LDHAL6A: variants seen among roughly 807,000 people sequenced by gnomAD.
LDHAL6A encodes the protein lactate dehydrogenase A like 6A.
A neutral mutation model predicts 28.2 loss-of-function variants in LDHAL6A; 19 were observed. The ratio of observed to expected loss-of-function variants is 0.67; its 90% CI spans 0.47 to 0.99. The LOEUF is 0.99. Ranked by LOEUF, LDHAL6A falls within the 50% of genes least tolerant of loss-of-function variation. The pLI is 0.00. For missense variants in LDHAL6A, 372 were observed against 398.6 expected (o/e 0.93, Z 0.57); for synonymous variants, 144 against 134.4 (o/e 1.07, Z -0.49).
chr11:18,457,156 T>C (rs939115105), intron 1 of LDHAL6A, among the ~76,000 whole-genome samples: 1 of 152,206 alleles, frequency 6.6e-6, no homozygotes, highest in African/African-American at 2.4e-5. Flanking sequence ...TCAGTGATGG[T>C]AGGCAGCCTA....
rs1452294434 is a variant in LDHAL6A, at chr11:18,479,467, ATTC to A, written c.*602_*604del. ...GATTCTTTTCATCAGGTGCATAGTA[ATTC>A]TTCTCTATGGCTTAATACCTATGTT... is the stretch of plus-strand genomic sequence containing the variant. On this transcript the variant is annotated 3_prime_UTR_variant, in exon 7 of 7. Transcript: ENST00000280706. 1.3e-5 allele frequency: 2 copies of A among 152,078 alleles called. No homozygotes were observed. The highest frequency in any genetic ancestry group is 2.4e-5 in the African/African-American group (1 of 41,380). The allele number at this position is 152,078 out of a possible 1,614,324, so 9.4% of individuals were successfully genotyped here. A position where few individuals can be genotyped will look rare whatever the true frequency, so the allele number is the denominator to read the frequency against.
intron 4 of LDHAL6A, 50 bp downstream of exon 4, chr11:18,475,689 C>T: frequency 6.8e-7 from 1 of 1,478,522 alleles, no homozygotes. Context: ...TCCTATCAAT[C>T]ATACAGACAT....
chr11:18,478,559 CAAAAAAA>C (rs891155836), intron 6 of LDHAL6A, 140 bp from the exon 7 acceptor site: 7 of 522,162 alleles, frequency 1.3e-5, no homozygotes, highest in African/African-American at 4.1e-5. Context: ...GAGTCCGTCT[CAAAAAAA>C]AAAGAAAAAA....
chr11:18,479,238 C>T lies in LDHAL6A; in HGVS notation c.*368C>T, dbSNP rs1436801107. On this transcript the variant is annotated 3_prime_UTR_variant, in exon 7 of 7. Transcript: ENST00000280706. ...GTCATCCAAGCTGGTTTTGAACTCC[C>T]AAAGTGCTGAGATTACAGGGGTGAG... The T allele has an allele frequency of 6.3e-6, 1 of 157,784 alleles. No homozygotes were observed. The highest frequency in any genetic ancestry group is 1.4e-5 in the Non-Finnish European group (1 of 72,316). 9.8% of individuals were successfully genotyped at this position (157,784 alleles called of 1,614,324 possible).
intron 3 of LDHAL6A, among the ~76,000 whole-genome samples, chr11:18,473,967 A>G (rs912593899): frequency 1.3e-5 from 2 of 152,202 alleles, no homozygotes; most frequent in Non-Finnish European, 2.9e-5. Context: ...TAAAATGATC[A>G]TATCTATCTT....
chr11:18,478,347 T>G (rs893599407), intron 6 of LDHAL6A, among the ~76,000 whole-genome samples: 4 of 152,124 alleles, frequency 2.6e-5, no homozygotes, highest in Non-Finnish European at 5.9e-5. Context: ...GGGGCCTATA[T>G]GGAGAGATGG....
chr11:18,462,613 G>A (rs2133866157), intron 1 of LDHAL6A, among the ~76,000 whole-genome samples: 1 of 145,252 alleles, frequency 6.9e-6, no homozygotes, highest in East Asian at 2.0e-4. Flanking sequence ...CTCCAGCCTG[G>A]GCAACAGAGC....
intron 3 of LDHAL6A, among the ~76,000 whole-genome samples, chr11:18,466,651 C>CAAA (rs67371371): frequency 0.08 from 6,321 of 79,102 alleles, 199 homozygotes; most frequent in Middle Eastern, 0.16. Flanking sequence ...GACCCTGTCT[C>CAAA]AAAAAAAAAA....
At chr11:18,467,938 C>T (rs372515210) in intron 3 of LDHAL6A, among the ~76,000 whole-genome samples, 540 of 32,934 alleles carry the variant, frequency 0.016, 41 homozygotes, top group African/African-American at 0.047. Context: ...TATATATATA[C>T]ACACACATAT....
chr11:18,476,698 C>T (rs1849391629), intron 5 of LDHAL6A, 197 bp downstream of exon 5: 1 of 811,128 alleles, frequency 1.2e-6, no homozygotes, highest in African/African-American at 1.9e-5. Flanking sequence ...TTGCTTATTC[C>T]TGAGCCTAAC....
intron 1 of LDHAL6A, among the ~76,000 whole-genome samples, chr11:18,458,375 C>T (rs977914170): frequency 6.6e-6 from 1 of 152,184 alleles, no homozygotes; most frequent in African/African-American, 2.4e-5. Flanking sequence ...GCTTAAAATG[C>T]CACCTGTAGC....
At chr11:18,470,945 C>T (rs1213600335) in intron 3 of LDHAL6A, among the ~76,000 whole-genome samples, 1 of 152,184 alleles carries the variant, frequency 6.6e-6, no homozygotes, top group African/African-American at 2.4e-5. Context: ...CTTCAGCCTC[C>T]CAAAGTGCTG....
In LDHAL6A at chr11:18,463,676, G is replaced by A. The variant is rs540745369; in HGVS notation, c.127-285G>A. On this transcript the variant is annotated intron_variant, in intron 1 of 6. Coordinates refer to ENST00000280706, the MANE Select transcript of LDHAL6A (RefSeq NM_144972.5). Reference sequence around the variant, plus strand: ...ACTTTATCACTGTGCAGCCTCAGCTGAAATTGAAAATCGGGGTGTTCACTA... The same window carrying A: ...ACTTTATCACTGTGCAGCCTCAGCTAAAATTGAAAATCGGGGTGTTCACTA... Among the ~76,000 whole-genome samples the A allele has an allele frequency of 3.7e-4, 56 of 152,194 alleles. 1 individual carries two copies. Among genetic ancestry groups the A allele is most frequent in the Non-Finnish European group, 6.0e-4 (41 of 68,036 alleles).
In LDHAL6A at chr11:18,467,966, T is replaced by TACACAC. The variant is rs1463119811; in HGVS notation, c.418+2158_418+2159insACACAC. ...ACACATATATATATACGTATATATA[T>TACACAC]ACGTATATATATACGTATATATATG... On this transcript the variant is annotated intron_variant, in intron 3 of 6. Coordinates refer to ENST00000280706, the MANE Select transcript of LDHAL6A (RefSeq NM_144972.5). Among the ~76,000 whole-genome samples the TACACAC allele has an allele frequency of 2.0e-4, 3 of 15,278 alleles. 1 individual carries two copies. The highest frequency in any genetic ancestry group is 5.1e-4 in the Non-Finnish European group (3 of 5,862). The allele number at this position is 15,278 out of a possible 152,430, so 10.0% of individuals were successfully genotyped here. A position where few individuals can be genotyped will look rare whatever the true frequency, so the allele number is the denominator to read the frequency against.
At chr11:18,465,567 G>T in intron 2 of LDHAL6A, 70 bp from the exon 3 acceptor site, 3 of 1,319,908 alleles carry the variant, frequency 2.3e-6, no homozygotes, top group South Asian at 2.7e-5. Flanking sequence ...TGATTGAAGT[G>T]AACAGGAAGT....
intron 6 of LDHAL6A, among the ~76,000 whole-genome samples, chr11:18,478,257 A>G (rs1242062927): frequency 6.6e-6 from 1 of 152,180 alleles, no homozygotes; most frequent in African/African-American, 2.4e-5. Flanking sequence ...GGAATTTTGA[A>G]GTGGTCTCCT....
intron 1 of LDHAL6A, among the ~76,000 whole-genome samples, chr11:18,463,057 T>C (rs990316715): frequency 1.1e-4 from 17 of 152,148 alleles, no homozygotes; most frequent in African/African-American, 4.1e-4. Context: ...GTAATAACTG[T>C]CTGATTATAG....
At chr11:18,464,968 G>GTTTTTTTTTTTT (rs1565068644) in intron 2 of LDHAL6A, among the ~76,000 whole-genome samples, 17 of 3,794 alleles carry the variant, frequency 4.5e-3, no homozygotes, top group South Asian at 0.023. Flanking sequence ...GAGGTGAGGT[G>GTTTTTTTTTTTT]TTTTTTTTGT....
At chr11:18,466,216 G>A (rs997179783) in intron 3 of LDHAL6A, among the ~76,000 whole-genome samples, 1 of 151,990 alleles carries the variant, frequency 6.6e-6, no homozygotes, top group Non-Finnish European at 1.5e-5. Flanking sequence ...TTTGGGGGTG[G>A]GTTTAGTAAC....
Sources: gnomAD v4.1 joint callset for allele counts (sites outside exome capture counted in the v4.1 genomes callset) on GRCh38, gnomAD v4.1.1 for gene constraint, MANE v1.5 for transcripts, NCBI Gene and HGNC (gene_info 2026-07-23, HGNC 2026-07-21) for gene names.